The following PRKCH variants were observed in gnomAD, a reference collection of about 807,000 sequenced individuals.
The protein encoded by PRKCH is protein kinase C eta type.
In PRKCH, 28 loss-of-function variants were observed where a neutral mutation model predicts 82.5. The observed-to-expected ratio is 0.34, with a 90% CI of 0.25 to 0.47. PRKCH has a LOEUF of 0.47. Ranked by LOEUF, PRKCH falls within the 20% of genes least tolerant of loss-of-function variation. The probability of loss-of-function intolerance (pLI) is 1.00; values close to 1 mark genes in which losing one functional copy is unlikely to be tolerated. For missense variants in PRKCH, 705 were observed against 881.8 expected (o/e 0.80, Z 2.54); for synonymous variants, 322 against 327.4 (o/e 0.98, Z 0.18).
chr14:61,285,634 C>T (rs2045308422), intron 1 of PRKCH, among the ~76,000 whole-genome samples: 1 of 152,196 alleles, frequency 6.6e-6, no homozygotes, highest in Non-Finnish European at 1.5e-5. Flanking sequence ...ACTTTATATA[C>T]ATTGTCCCAT....
intron 1 of PRKCH, among the ~76,000 whole-genome samples, chr14:61,237,052 G>A (rs1291486289): frequency 6.6e-6 from 1 of 151,976 alleles, no homozygotes; most frequent in Non-Finnish European, 1.5e-5. Flanking sequence ...TCTTTCTTGT[G>A]TGAAATCCAA....
intron 2 of PRKCH, among the ~76,000 whole-genome samples, chr14:61,415,482 C>T (rs1353938774): frequency 6.6e-6 from 1 of 152,120 alleles, no homozygotes; most frequent in East Asian, 1.9e-4. Flanking sequence ...AGGGGGTTAG[C>T]CATTGAAGGA....
intron 1 of PRKCH, among the ~76,000 whole-genome samples, chr14:61,262,491 T>C (rs547661144): frequency 1.3e-5 from 2 of 152,224 alleles, no homozygotes; most frequent in South Asian, 4.2e-4. Flanking sequence ...AAAATTAATC[T>C]ATAGTGAGAG....
At chr14:61,444,631 C>A (rs573868940) in intron 3 of PRKCH, among the ~76,000 whole-genome samples, 1 of 152,156 alleles carries the variant, frequency 6.6e-6, no homozygotes, top group Non-Finnish European at 1.5e-5. Flanking sequence ...CTCTCTCTCT[C>A]ACACACACTT....
chr14:61,512,780 C>A (rs900580359), intron 10 of PRKCH, among the ~76,000 whole-genome samples: 1 of 152,076 alleles, frequency 6.6e-6, no homozygotes, highest in Non-Finnish European at 1.5e-5. Context: ...GGCTTTTGTA[C>A]CTACAAGCCC....
At chr14:61,221,640 G>A (rs1446261470) in intron 1 of PRKCH, among the ~76,000 whole-genome samples, 1 of 152,096 alleles carries the variant, frequency 6.6e-6, no homozygotes, top group Non-Finnish European at 1.5e-5. Flanking sequence ...CCCGGGGATA[G>A]GACCTTGGTC....
rs58960187 is a variant in PRKCH, at chr14:61,196,383, C to G, written c.-19+8715C>G. 5.0e-3 allele frequency among the ~76,000 whole-genome samples: 756 copies of G among 152,272 alleles called. 19 individuals carry two copies. In the East Asian group the frequency reaches 0.068, roughly 14 times the overall value. On this transcript the variant is annotated intron_variant, in intron 1 of 3. Transcript: ENST00000555185. ...CAGTTTCCGCCTTTGGATGATGATA[C>G]TAGTTTAGGTAATTGCTTTACATAT...
chr14:61,366,563 C>T (rs1337282830), intron 1 of PRKCH, among the ~76,000 whole-genome samples: 1 of 152,074 alleles, frequency 6.6e-6, no homozygotes, highest in East Asian at 1.9e-4. Context: ...TGACACTCAG[C>T]ATTTTGGAGA....
intron 1 of PRKCH, among the ~76,000 whole-genome samples, chr14:61,309,147 G>C (rs2045503544): frequency 6.6e-6 from 1 of 152,048 alleles, no homozygotes; most frequent in Admixed American, 6.5e-5. Flanking sequence ...GCTGGGTGTG[G>C]TGGCACAAGC....
chr14:61,450,932 C>T lies in PRKCH; in HGVS notation c.793C>T (p.Leu265=). ...AACATTCTGCGATCACTGTGGCTCA[C>T]TGCTCTGGGGAATAATGCGACAAGG... The part of the protein sequence containing the change: ...VPTFCDHCGS[L]LWGIMRQGLQ... Residue 265 remains leucine (L), a synonymous_variant, in exon 6 of 14, where the codon CTG becomes TTG. Coordinates refer to ENST00000332981, the MANE Select transcript of PRKCH (RefSeq NM_006255.5). 3.1e-6 allele frequency: 5 copies of T among 1,614,150 alleles called. No homozygotes were observed. Among genetic ancestry groups the T allele is most frequent in the Non-Finnish European group, 4.2e-6 (5 of 1,180,000 alleles).
rs1465525742 is a variant in PRKCH, at chr14:61,453,299, T to C, written c.906T>C (p.Leu302=). ...ACTGTGGGGTAAATGCGGTGGAACT[T>C]GCCAAGACCCTGGCAGGGATGGGTC... ...APNCGVNAVE[L]AKTLAGMGLQ... Residue 302 remains leucine, a synonymous_variant, in exon 7 of 14, where the codon CTT becomes CTC. Coordinates refer to ENST00000332981, the MANE Select transcript of PRKCH (RefSeq NM_006255.5). 2.5e-6 allele frequency: 4 copies of C among 1,614,190 alleles called. No individual in the cohort carries two copies. The highest frequency in any genetic ancestry group is 3.4e-6 in the Non-Finnish European group (4 of 1,180,020).
chr14:61,191,719 A>G (rs1328653155), intron 1 of PRKCH, among the ~76,000 whole-genome samples: 1 of 152,098 alleles, frequency 6.6e-6, no homozygotes, highest in Admixed American at 6.6e-5. Flanking sequence ...TCACGTCTCA[A>G]CTTACTCCTT....
chr14:61,385,946 T>G (rs575752554), intron 1 of PRKCH, among the ~76,000 whole-genome samples: 1 of 152,238 alleles, frequency 6.6e-6, no homozygotes, highest in South Asian at 2.1e-4. Flanking sequence ...GGTCTTGAAT[T>G]GATGGACAAA....
intron 1 of PRKCH, among the ~76,000 whole-genome samples, chr14:61,328,645 G>T (rs1050473071): frequency 1.3e-5 from 2 of 152,056 alleles, no homozygotes; most frequent in African/African-American, 4.8e-5. Context: ...TAGCATTTGC[G>T]TAGAATAATA....
intron 1 of PRKCH, among the ~76,000 whole-genome samples, chr14:61,271,541 T>C (rs2045154168): frequency 6.6e-6 from 1 of 152,258 alleles, no homozygotes; most frequent in Non-Finnish European, 1.5e-5. Context: ...AGTTGACTCC[T>C]TTAGCGAGCC....
At position 61,443,512 on chromosome 14, in the gene PRKCH, A is replaced by G. The variant is rs76125585; in HGVS notation, c.578+251A>G. 8.0e-4 allele frequency among the ~76,000 whole-genome samples: 122 copies of G among 152,326 alleles called. 1 individual carries two copies. The East Asian group carries it at 0.018, about 22-fold the overall frequency. On this transcript the variant is annotated intron_variant, in intron 3 of 13. Coordinates refer to ENST00000332981, the MANE Select transcript of PRKCH (RefSeq NM_006255.5). ...TTGGTAAAGATGCTAATGAATCCTAAACTGGTCAACAAGCATAAATCAGAG... is the reference window on the plus strand; with the variant it reads ...TTGGTAAAGATGCTAATGAATCCTAGACTGGTCAACAAGCATAAATCAGAG...
rs778270525 is a variant in PRKCH at position 61,547,897 on chromosome 14, C to T, written c.1905+11C>T. 7 of 1,611,530 alleles carry T rather than the reference C, an allele frequency of 4.3e-6. No individual in the cohort carries two copies. In the East Asian group the frequency reaches 1.6e-4, roughly 36 times the overall value. Reference sequence around the variant, plus strand: ...TTCAGACCCAGAATCGTAAGTGTCCCAGGCTGTCACAGAGACATTCCTTTC... The same window carrying T: ...TTCAGACCCAGAATCGTAAGTGTCCTAGGCTGTCACAGAGACATTCCTTTC... On this transcript the variant is annotated intron_variant, in intron 13 of 13. Transcript: ENST00000332981.
chr14:61,329,483 G>T (rs1467553703), intron 1 of PRKCH, among the ~76,000 whole-genome samples: 1 of 152,014 alleles, frequency 6.6e-6, no homozygotes, highest in Non-Finnish European at 1.5e-5. Flanking sequence ...TGATCCGCCC[G>T]CCTTAGCCTC....
intron 2 of PRKCH, among the ~76,000 whole-genome samples, chr14:61,407,143 T>C (rs2140226836): frequency 6.6e-6 from 1 of 152,304 alleles, no homozygotes; most frequent in East Asian, 1.9e-4. Context: ...GGGACTGATT[T>C]AAAAGTGGTC....
Sources: gnomAD v4.1 joint callset for allele counts (sites outside exome capture counted in the v4.1 genomes callset) on GRCh38, gnomAD v4.1.1 for gene constraint, MANE v1.5 for transcripts, NCBI Gene and HGNC (gene_info 2026-07-23, HGNC 2026-07-21) for gene names.